TBL1X: variants seen among roughly 807,000 people sequenced by gnomAD.
TBL1X encodes the protein F-box-like/WD repeat-containing protein TBL1X.
A neutral mutation model predicts 50.7 loss-of-function variants in TBL1X; 10 were observed. The observed-to-expected ratio is 0.20, with a 90% CI of 0.12 to 0.33. The LOEUF (loss-of-function observed/expected upper bound fraction) is 0.33. TBL1X is among the 10% of genes least tolerant of loss of function. The probability of loss-of-function intolerance (pLI) is 1.00; values close to 1 mark genes in which losing one functional copy is unlikely to be tolerated. For missense variants in TBL1X, 340 were observed against 504.4 expected (o/e 0.67, Z 3.12); for synonymous variants, 190 against 214.7 (o/e 0.88, Z 1.01).
chrX:9,709,871 C>A, intron 15 of TBL1X, 111 bp downstream of exon 15: 7 of 1,002,537 alleles, frequency 7.0e-6, no homozygotes, highest in South Asian at 2.3e-5. Context: ...GGAAGCAAAG[C>A]GGTAGCTCAC....
At chrX:9,675,169 G>A in intron 5 of TBL1X, among the ~76,000 whole-genome samples, 1 of 111,994 alleles carries the variant, frequency 8.9e-6, no homozygotes. Flanking sequence ...CTTGAGAAAG[G>A]GCATAGAGTG....
intron 2 of TBL1X, among the ~76,000 whole-genome samples, chrX:9,554,324 C>A (rs867562658): frequency 8.9e-6 from 1 of 112,428 alleles, no homozygotes; most frequent in African/African-American, 3.2e-5. Context: ...TTATTAACTC[C>A]GAATAAGCAG....
At chrX:9,650,855 A>G (rs1311735479) in intron 3 of TBL1X, among the ~76,000 whole-genome samples, 1 of 111,431 alleles carries the variant, frequency 9.0e-6, no homozygotes, top group African/African-American at 3.3e-5. Context: ...CTTTTAGCCA[A>G]ACTTCTTTAT....
At chrX:9,677,275 TAAGGAGGTTGG>T (rs766672378) in intron 5 of TBL1X, among the ~76,000 whole-genome samples, 1 of 111,273 alleles carries the variant, frequency 9.0e-6, no homozygotes, top group South Asian at 3.8e-4. Context: ...CCGCTATGAA[TAAGGAGGTTGG>T]AAAACTGTCA....
chrX:9,546,543 A>C (rs1207815574), intron 2 of TBL1X, among the ~76,000 whole-genome samples: 2 of 110,729 alleles, frequency 1.8e-5, no homozygotes, highest in Admixed American at 9.6e-5. Flanking sequence ...AAAAACCCCC[A>C]AAAAACTCCA....
rs768891148 is a variant in TBL1X, at chrX:9,668,388, A to C, written c.211+14066A>C. ...ATTGGAATAGGAAAAAAAAAAAAAAACTTTTGGGACTCTCGTGGAGAGCTG... is the reference window on the plus strand; with the variant it reads ...ATTGGAATAGGAAAAAAAAAAAAAACCTTTTGGGACTCTCGTGGAGAGCTG... On this transcript the variant is annotated intron_variant, in intron 5 of 17. Transcript: ENST00000645353. Among the ~76,000 whole-genome samples, 247 of 107,472 alleles carry C rather than the reference A, an allele frequency of 2.3e-3. 3 individuals are homozygous for C. The highest frequency in any genetic ancestry group is 8.5e-3 in the African/African-American group (233 of 27,333). 93.3% of individuals were successfully genotyped at this position (107,472 alleles called of 115,157 possible).
At chrX:9,603,543 C>T (rs112820271) in intron 2 of TBL1X, among the ~76,000 whole-genome samples, 4 of 111,820 alleles carry the variant, frequency 3.6e-5, no homozygotes, top group African/African-American at 1.3e-4. Flanking sequence ...GCACGCCGGA[C>T]CCGGGCTGAG....
chrX:9,634,881 C>T (rs1227701973), intron 2 of TBL1X, among the ~76,000 whole-genome samples: 1 of 111,749 alleles, frequency 8.9e-6, no homozygotes, highest in Non-Finnish European at 1.9e-5. Flanking sequence ...ATTATTACCC[C>T]CATTTGATGA....
At chrX:9,561,756 A>G (rs2082326142) in intron 2 of TBL1X, among the ~76,000 whole-genome samples, 1 of 112,078 alleles carries the variant, frequency 8.9e-6, no homozygotes, top group African/African-American at 3.2e-5. Flanking sequence ...CTCTCTATAG[A>G]CATTGGTGAC....
At chrX:9,633,985 A>AGGAAATC (rs1424882879) in intron 2 of TBL1X, among the ~76,000 whole-genome samples, 1 of 111,451 alleles carries the variant, frequency 9.0e-6, no homozygotes, top group East Asian at 2.8e-4. Context: ...CAGAGCTGGG[A>AGGAAATC]GGAAATCATG....
chrX:9,669,992 G>T (rs1367018072), intron 5 of TBL1X, among the ~76,000 whole-genome samples: 1 of 111,681 alleles, frequency 9.0e-6, no homozygotes, highest in African/African-American at 3.3e-5. Flanking sequence ...GAAAAATTTA[G>T]TTTATAGTTT....
chrX:9,684,546 T>A (rs762984609), intron 6 of TBL1X, among the ~76,000 whole-genome samples: 62 of 93,008 alleles, frequency 6.7e-4, no homozygotes, highest in African/African-American at 2.4e-3. Context: ...AAGCTATAAT[T>A]GCACCAGTAC....
intron 3 of TBL1X, among the ~76,000 whole-genome samples, chrX:9,646,790 A>C (rs1471562443): frequency 8.9e-6 from 1 of 112,521 alleles, no homozygotes; most frequent in Non-Finnish European, 1.9e-5. Flanking sequence ...TGTTTACATA[A>C]CAGGGCAAAT....
chrX:9,527,600 G>A (rs1344215887), intron 2 of TBL1X, among the ~76,000 whole-genome samples: 1 of 111,420 alleles, frequency 9.0e-6, no homozygotes, highest in Admixed American at 9.5e-5. Flanking sequence ...TTTGTTAGAG[G>A]TCGGCAAACC....
At chrX:9,600,207 G>A (rs1416288943) in intron 2 of TBL1X, among the ~76,000 whole-genome samples, 2 of 110,823 alleles carry the variant, frequency 1.8e-5, no homozygotes, top group Non-Finnish European at 3.8e-5. Flanking sequence ...GAAATGTATT[G>A]CTCATAGCTC....
chrX:9,685,924 G>A (rs775052273), intron 6 of TBL1X, among the ~76,000 whole-genome samples: 5 of 109,359 alleles, frequency 4.6e-5, no homozygotes, highest in Admixed American at 9.7e-5. Flanking sequence ...GGTCTCGCTG[G>A]TCTTGAACTC....
intron 2 of TBL1X, among the ~76,000 whole-genome samples, chrX:9,549,838 C>T (rs2082262412): frequency 9.0e-6 from 1 of 111,589 alleles, no homozygotes; most frequent in Non-Finnish European, 1.9e-5. Context: ...TCTGATCTCA[C>T]ACGAATGGTT....
At chrX:9,687,971 C>T in intron 6 of TBL1X, 46 bp from the exon 7 acceptor site, 2 of 1,170,159 alleles carry the variant, frequency 1.7e-6, no homozygotes, top group Non-Finnish European at 2.3e-6. Context: ...TTCCCAGAGC[C>T]CTCACCCCCG....
Position 9,651,631 on chromosome X carries a change from G to A in TBL1X, c.-42-1914G>A, listed in dbSNP as rs953522339. Among the ~76,000 whole-genome samples the A allele has an allele frequency of 2.7e-5, 3 of 111,937 alleles. No homozygotes were observed. In the East Asian group the frequency reaches 8.4e-4, roughly 31 times the overall value. Reference sequence around the variant, plus strand: ...TAAATAATATTTAATTTTTCATTAGGTCATGCTATGATTTCATAGCTTATT... The same window carrying A: ...TAAATAATATTTAATTTTTCATTAGATCATGCTATGATTTCATAGCTTATT... On this transcript the variant is annotated intron_variant, in intron 3 of 17. Coordinates refer to ENST00000645353, the MANE Select transcript of TBL1X (RefSeq NM_005647.4).
Sources: allele counts gnomAD v4.1 joint callset (sites outside exome capture counted in the v4.1 genomes callset), GRCh38; gene constraint gnomAD v4.1.1; transcripts MANE v1.5; gene names NCBI Gene and HGNC (gene_info 2026-07-23, HGNC 2026-07-21).